Variants in PFKFB2 observed in about 807,000 individuals in gnomAD.
The protein encoded by PFKFB2 is 6-phosphofructo-2-kinase/fructose-2,6-bisphosphatase 2.
In PFKFB2, 53 loss-of-function variants were observed where a neutral mutation model predicts 68.0. That is an observed-to-expected ratio of 0.78 (90% CI 0.63 to 0.98). The LOEUF (loss-of-function observed/expected upper bound fraction) is 0.98. Among genes scored for constraint, PFKFB2 ranks in the 50% least tolerant of loss-of-function variants. The probability of loss-of-function intolerance (pLI) is 0.00; values close to 1 mark genes in which losing one functional copy is unlikely to be tolerated. For missense variants in PFKFB2, 451 were observed against 642.0 expected (o/e 0.70, Z 3.22); for synonymous variants, 222 against 227.6 (o/e 0.98, Z 0.22).
In PFKFB2 at chr1:207,076,926, C is replaced by G; in HGVS notation, c.*4555C>G. The G allele has an allele frequency of 1.0e-6, 1 of 982,864 alleles. No individual in the cohort carries two copies. The highest frequency in any genetic ancestry group is 1.2e-6 in the Non-Finnish European group (1 of 827,706). The allele number at this position is 982,864 out of a possible 1,614,324, so 60.9% of individuals were successfully genotyped here. ...GTAATTCTCTGTCTATTAAATGTGT[C>G]TAACAAAGGAAGGAATTAAGCACTC... is the stretch of plus-strand genomic sequence containing the variant. On this transcript the variant is annotated 3_prime_UTR_variant, in exon 15 of 15. Coordinates refer to ENST00000367080, the MANE Select transcript of PFKFB2 (RefSeq NM_006212.2).
rs57077682 is a variant in PFKFB2, at chr1:207,042,549, C to CAAAAAAAAAAAAAAAA, written c.-18+354_-18+369dup. The stretch of plus-strand genomic sequence containing the variant: ...GGCGACACAGCAACACTCTGTCTCA[C>CAAAAAAAAAAAAAAAA]AAAAAAAAAAAAAAAAAAAAAAAAA... On this transcript the variant is annotated intron_variant, in intron 2 of 5. Coordinates refer to the PFKFB2 transcript ENST00000545806. 1.1e-3 allele frequency among the ~76,000 whole-genome samples: 51 copies of CAAAAAAAAAAAAAAAA among 44,714 alleles called. 6 individuals are homozygous for CAAAAAAAAAAAAAAAA. Among genetic ancestry groups the CAAAAAAAAAAAAAAAA allele is most frequent in the Non-Finnish European group, 1.4e-3 (32 of 23,620 alleles). The allele number at this position is 44,714 out of a possible 152,430, so 29.3% of individuals were successfully genotyped here.
intron 2 of PFKFB2, chr1:207,045,388 T>A (rs1288436211): frequency 6.6e-6 from 1 of 152,542 alleles, no homozygotes; most frequent in Non-Finnish European, 1.5e-5. Context: ...TGCCAATAGA[T>A]ACACTCTACA....
At chr1:207,040,295 T>G (rs573322841) in intron 1 of PFKFB2, among the ~76,000 whole-genome samples, 1 of 152,332 alleles carries the variant, frequency 6.6e-6, no homozygotes, top group Admixed American at 6.5e-5. Context: ...GGGCCATCTT[T>G]AGGGTTTTAG....
At chr1:207,039,042 A>G in intron 1 of PFKFB2, among the ~76,000 whole-genome samples, 1 of 152,260 alleles carries the variant, frequency 6.6e-6, no homozygotes, top group East Asian at 1.9e-4. Context: ...AGCTTTTCCT[A>G]GCCAAATTCA....
chr1:207,077,833 G>T (rs3943180), downstream of PFKFB2: 853 of 984,074 alleles, frequency 8.7e-4, 28 homozygotes, highest in East Asian at 0.069. Flanking sequence ...AGGCTTCTGG[G>T]TTTTTTGTTT....
intron 1 of PFKFB2, among the ~76,000 whole-genome samples, chr1:207,035,940 T>A (rs528300417): frequency 5.3e-5 from 8 of 152,310 alleles, no homozygotes; most frequent in South Asian, 2.1e-4. Context: ...GACAGGGCCA[T>A]GGAACATACA....
intron 1 of PFKFB2, among the ~76,000 whole-genome samples, chr1:207,039,269 G>C (rs1205757034): frequency 2.0e-5 from 3 of 152,126 alleles, no homozygotes; most frequent in Non-Finnish European, 4.4e-5. Flanking sequence ...AAATTCATTA[G>C]AGAAAGAGTT....
chr1:207,035,710 T>C (rs1682364669), intron 1 of PFKFB2, among the ~76,000 whole-genome samples: 1 of 151,838 alleles, frequency 6.6e-6, no homozygotes, highest in African/African-American at 2.4e-5. Context: ...TTTGTTTTGC[T>C]CATGATTCTA....
rs1165779169 is a variant in PFKFB2, at chr1:207,076,258, T to TC, written c.*3887_*3888insC. 3 of 978,008 alleles carry TC rather than the reference T, an allele frequency of 3.1e-6. No homozygotes were observed. The African/African-American group carries it at 5.3e-5, about 17-fold the overall frequency. The allele number at this position is 978,008 out of a possible 1,614,324, so 60.6% of individuals were successfully genotyped here. ...TCTATGTTACTTTTTTTTTCTTTTT[T>TC]TTTTTTTTTTATGAGCAGGAGATCT... On this transcript the variant is annotated 3_prime_UTR_variant, in exon 15 of 15. Coordinates refer to ENST00000367080, the MANE Select transcript of PFKFB2 (RefSeq NM_006212.2).
At position 207,062,703 on chromosome 1, in the gene PFKFB2, A is replaced by G; in HGVS notation, c.295A>G (p.Met99Val). The change falls in exon 4 of 15, where the codon ATG becomes GTG. Residue 99 changes from methionine (M) to valine (V), a missense_variant. Met to Val is a conservative substitution (Grantham distance 21). Coordinates refer to ENST00000367080, the MANE Select transcript of PFKFB2 (RefSeq NM_006212.2). Reference protein sequence around the residue: ...DFFRHDNEEAMKIRKQCALVA... With the variant: ...DFFRHDNEEAVKIRKQCALVA... ...CTTTCGGCATGACAATGAGGAGGCC[A>G]TGAAGATCCGCAAGTGAGTCTTGTT... 6.2e-7 allele frequency: 1 copy of G among 1,614,030 alleles called. No homozygotes were observed. The highest frequency in any genetic ancestry group is 2.2e-5 in the East Asian group (1 of 44,892).
At chr1:207,052,034 ATC>A, upstream of PFKFB2, 4 of 659,724 alleles carry the variant, frequency 6.1e-6, no homozygotes, top group Non-Finnish European at 1.1e-5. Context: ...CTGAATTTAT[ATC>A]TCTCTTTTCC....
rs1322824895 is a variant in PFKFB2 at position 207,073,874 on chromosome 1, A to C, written c.*1503A>C. The C allele has an allele frequency of 1.0e-6, 1 of 985,148 alleles. No homozygotes were observed. The highest frequency in any genetic ancestry group is 1.1e-4 in the East Asian group (1 of 8,834). The allele number at this position is 985,148 out of a possible 1,614,324, so 61.0% of individuals were successfully genotyped here. A position where few individuals can be genotyped will look rare whatever the true frequency, so the allele number is the denominator to read the frequency against. ...AAGTTTAGGGTTCTCATGGGATTTT[A>C]AAAAGAGATAGGTGACTCCCCACCT... On this transcript the variant is annotated 3_prime_UTR_variant, in exon 15 of 15. Transcript: ENST00000367080.
intron 1 of PFKFB2, among the ~76,000 whole-genome samples, chr1:207,053,611 G>A (rs1261979330): frequency 6.6e-6 from 1 of 152,160 alleles, no homozygotes; most frequent in Non-Finnish European, 1.5e-5. Context: ...TGTCTGAATT[G>A]GGGGCATGAG....
chr1:207,079,241 T>C (rs1683705369), downstream of PFKFB2: 3 of 585,092 alleles, frequency 5.1e-6, no homozygotes, highest in South Asian at 6.0e-5. Flanking sequence ...TCAAAACATT[T>C]AGCAACCTGA....
rs1572733781 is a variant in PFKFB2 at position 207,070,018 on chromosome 1, A to G, written c.1093-262A>G. On this transcript the variant is annotated intron_variant, in intron 11 of 14. Transcript: ENST00000367080. This position sits in a 1 kb window ranked among gnomAD's most constrained non-coding sequence, Gnocchi z 4.2. ...CTGTATTAATCTGTGGGAAGAAAAA[A>G]CACACACACACAGGTTGAACTCACA... 4.1e-5 allele frequency among the ~76,000 whole-genome samples: 5 copies of G among 123,118 alleles called. No individual in the cohort carries two copies. The Admixed American group carries it at 4.4e-4, about 11-fold the overall frequency. 80.8% of individuals were successfully genotyped at this position (123,118 alleles called of 152,430 possible).
chr1:207,070,388 T>C lies in PFKFB2; in HGVS notation c.1201T>C (p.Tyr401His), dbSNP rs767018388. 1.9e-6 allele frequency: 3 copies of C among 1,613,928 alleles called. No individual in the cohort carries two copies. Among genetic ancestry groups the C allele is most frequent in the Non-Finnish European group, 2.5e-6 (3 of 1,179,964 alleles). The change falls in exon 12 of 15, where the codon TAC (tyrosine) becomes CAC (histidine). Residue 401 changes from tyrosine (Y) to histidine (H), a missense_variant. Transcript: ENST00000367080. This position sits in a 1 kb window ranked among gnomAD's most constrained non-coding sequence, Gnocchi z 4.2. ...GGCTGTCATGCGCTGCCTCCTGGCC[T>C]ACTTCTTGGATAAGGGCGCAGGTGC... ...HQAVMRCLLA[Y>H]FLDKGADELP...
intron 14 of PFKFB2, 136 bp from the exon 15 acceptor site, chr1:207,072,068 A>G (rs1028175609): frequency 1.4e-6 from 2 of 1,458,944 alleles, no homozygotes; most frequent in South Asian, 1.4e-5. Context: ...GCCATGGGCC[A>G]TGCCCTGTGA....
At chr1:207,046,057 C>T (rs1036211741) in intron 2 of PFKFB2, 1 of 152,012 alleles carries the variant, frequency 6.6e-6, no homozygotes, top group African/African-American at 2.4e-5. Context: ...TCTGAAATCA[C>T]TTTATTCAGG....
intron 8 of PFKFB2, among the ~76,000 whole-genome samples, chr1:207,066,563 T>C (rs907661370): frequency 2.0e-5 from 3 of 152,322 alleles, no homozygotes; most frequent in Middle Eastern, 3.4e-3. Context: ...TACATGTGTA[T>C]GTTTGTATAT....
Sources: allele counts gnomAD v4.1 joint callset (sites outside exome capture counted in the v4.1 genomes callset), GRCh38; gene constraint gnomAD v4.1.1; non-coding constraint Gnocchi (gnomAD v3.1); transcripts MANE v1.5; gene names NCBI Gene and HGNC (gene_info 2026-07-23, HGNC 2026-07-21).